The following RNF130 variants were observed in gnomAD, a reference collection of about 807,000 sequenced individuals.
The protein encoded by RNF130 is ring finger protein 130, also known as E3 ubiquitin-protein ligase RNF130.
A neutral mutation model predicts 44.6 loss-of-function variants in RNF130; 21 were observed. That is an observed-to-expected ratio of 0.47 (90% CI 0.33 to 0.68). The LOEUF (loss-of-function observed/expected upper bound fraction) is 0.68. Among genes scored for constraint, RNF130 ranks in the 30% least tolerant of loss-of-function variants. The probability of loss-of-function intolerance (pLI) is 0.02; values close to 1 mark genes in which losing one functional copy is unlikely to be tolerated. For synonymous variants in RNF130, 214 were observed against 210.4 expected (o/e 1.02, Z -0.15); for missense variants, 479 against 560.6 (o/e 0.85, Z 1.47).
rs190704463 is a variant in RNF130, at chr5:180,027,395, G to A, written c.442+13058C>T. Among the ~76,000 whole-genome samples the A allele has an allele frequency of 3.3e-5, 5 of 152,256 alleles. No individual in the cohort carries two copies. In the East Asian group the frequency reaches 9.7e-4, roughly 29 times the overall value. On this transcript the variant is annotated intron_variant, in intron 2 of 8. Transcript: ENST00000521389. ...GTATAATGACCTTCTCTGAGTATAA[G>A]CAGAAACAGAAAGGCAGAGAGTTAT... is the stretch of plus-strand genomic sequence containing the variant.
chr5:179,961,771 T>C (rs770495275), intron 8 of RNF130, among the ~76,000 whole-genome samples: 33 of 152,308 alleles, frequency 2.2e-4, no homozygotes, highest in Non-Finnish European at 2.9e-4. Context: ...GAATCACAGC[T>C]ACTCACAGAG....
At chr5:179,978,342 G>A in intron 4 of RNF130, 57 bp from the exon 5 acceptor site, 3 of 1,144,496 alleles carry the variant, frequency 2.6e-6, no homozygotes, top group South Asian at 1.2e-5. Flanking sequence ...TAAATGGTTG[G>A]GATGCAATTC....
chr5:180,027,882 C>T (rs146052492), intron 2 of RNF130, among the ~76,000 whole-genome samples: 111 of 152,328 alleles, frequency 7.3e-4, no homozygotes, highest in African/African-American at 2.5e-3. Context: ...TGGCTGCTGC[C>T]GGTGTGAGAC....
rs150985218 is a variant in RNF130 at position 179,960,916 on chromosome 5, T to C, written c.1244+2555A>G. Among the ~76,000 whole-genome samples, 1,234 of 152,188 alleles carry C rather than the reference T, an allele frequency of 8.1e-3. 17 individuals are homozygous for C. The highest frequency in any genetic ancestry group is 0.028 in the African/African-American group (1,177 of 41,530). On this transcript the variant is annotated intron_variant, in intron 8 of 8. Coordinates refer to ENST00000521389, the MANE Select transcript of RNF130 (RefSeq NM_018434.6). ...AAGGCAAAAACAGAAATAAAATAGA[T>C]GTTGAAAAATTCATTAATAACGAAT...
intron 2 of RNF130, among the ~76,000 whole-genome samples, chr5:180,035,898 A>T (rs1180976909): frequency 1.3e-5 from 2 of 151,816 alleles, no homozygotes; most frequent in Non-Finnish European, 2.9e-5. Context: ...CTATTTGTTG[A>T]CTCATTGCTG....
At chr5:179,957,052 A>C (rs1043727030) in intron 8 of RNF130, among the ~76,000 whole-genome samples, 5 of 152,204 alleles carry the variant, frequency 3.3e-5, no homozygotes, top group Admixed American at 3.3e-4. Context: ...GAAAAACTGG[A>C]TATTAGATAT....
At chr5:179,986,993 C>A (rs535194549) in intron 3 of RNF130, among the ~76,000 whole-genome samples, 1 of 152,280 alleles carries the variant, frequency 6.6e-6, no homozygotes, top group South Asian at 2.1e-4. Flanking sequence ...AACTTTTGTA[C>A]ACAAACTTTG....
At chr5:180,052,666 C>T (rs369454875) in intron 1 of RNF130, among the ~76,000 whole-genome samples, 8 of 152,172 alleles carry the variant, frequency 5.3e-5, no homozygotes, top group Admixed American at 1.3e-4. Context: ...CCATGCAGCT[C>T]ACACTAACAG....
chr5:179,960,601 T>C (rs1762305051), intron 8 of RNF130, among the ~76,000 whole-genome samples: 1 of 152,210 alleles, frequency 6.6e-6, no homozygotes, highest in Non-Finnish European at 1.5e-5. Flanking sequence ...CCTGACATCT[T>C]GCCCACAGGG....
chr5:179,937,122 C>T (rs912838616), intron 7 of RNF130, among the ~76,000 whole-genome samples: 9 of 152,054 alleles, frequency 5.9e-5, no homozygotes, highest in African/African-American at 1.7e-4. Context: ...ATCATCAAAA[C>T]GAAATATCAT....
intron 2 of RNF130, among the ~76,000 whole-genome samples, chr5:180,023,065 G>C (rs1763908110): frequency 6.6e-6 from 1 of 152,218 alleles, no homozygotes; most frequent in Non-Finnish European, 1.5e-5. Context: ...TAAGTAAATA[G>C]ATGTAGGATG....
At chr5:180,009,547 C>T (rs552755323) in intron 3 of RNF130, among the ~76,000 whole-genome samples, 2 of 152,276 alleles carry the variant, frequency 1.3e-5, no homozygotes, top group African/African-American at 4.8e-5. Flanking sequence ...CTACACAACT[C>T]AACAATCACA....
intron 3 of RNF130, among the ~76,000 whole-genome samples, chr5:179,989,623 A>G (rs2113027154): frequency 6.6e-6 from 1 of 152,036 alleles, no homozygotes; most frequent in Non-Finnish European, 1.5e-5. Context: ...CTTCACTTTC[A>G]GTCGATCTGT....
At chr5:179,948,428 G>C (rs1223630366) in intron 7 of RNF130, among the ~76,000 whole-genome samples, 1 of 152,118 alleles carries the variant, frequency 6.6e-6, no homozygotes, top group Non-Finnish European at 1.5e-5. Context: ...CCAGCACTTT[G>C]GGAGGCTGAG....
intron 3 of RNF130, among the ~76,000 whole-genome samples, chr5:180,009,785 C>A (rs1763543375): frequency 6.6e-6 from 1 of 152,144 alleles, no homozygotes; most frequent in African/African-American, 2.4e-5. Flanking sequence ...ATGTTTACAC[C>A]AAAACCTGTA....
rs554769745 is a variant in RNF130 at position 179,938,661 on chromosome 5, AT to A, written c.1151-18236del. Among the ~76,000 whole-genome samples, 31 of 152,284 alleles carry A rather than the reference AT, an allele frequency of 2.0e-4. No homozygotes were observed. In the South Asian group the frequency reaches 6.2e-3, roughly 31 times the overall value. On this transcript the variant is annotated intron_variant, in intron 7 of 7. Transcript: ENST00000522208. ...AAGCTTAACATTATATATTTAAATA[AT>A]TGTCAAAATTAAGTTGCCAGCATTC...
In RNF130 at chr5:179,999,662, A is replaced by G. The variant is rs185334682; in HGVS notation, c.693+13399T>C. Reference sequence around the variant, plus strand: ...AACCCGGGAGGCGAAGGTTGCAGTGAGCCAAGATTGCACCACTGCACTCCA... The same window carrying G: ...AACCCGGGAGGCGAAGGTTGCAGTGGGCCAAGATTGCACCACTGCACTCCA... On this transcript the variant is annotated intron_variant, in intron 3 of 8. Transcript: ENST00000521389. 2.0e-5 allele frequency among the ~76,000 whole-genome samples: 3 copies of G among 152,314 alleles called. No individual in the cohort carries two copies. In the East Asian group the frequency reaches 5.8e-4, roughly 29 times the overall value.
chr5:179,960,580 C>T (rs1762304282), intron 8 of RNF130, among the ~76,000 whole-genome samples: 1 of 152,192 alleles, frequency 6.6e-6, no homozygotes, highest in Admixed American at 6.5e-5. Context: ...CACCTGGGTC[C>T]CACACACTGC....
intron 6 of RNF130, among the ~76,000 whole-genome samples, chr5:179,968,555 A>ACT (rs1379258371): frequency 2.6e-5 from 4 of 151,480 alleles, no homozygotes; most frequent in Non-Finnish European, 5.9e-5. Flanking sequence ...AATCCCAGCT[A>ACT]CAAGGGAGGC....
Sources: allele counts gnomAD v4.1 joint callset (sites outside exome capture counted in the v4.1 genomes callset), GRCh38; gene constraint gnomAD v4.1.1; transcripts MANE v1.5; gene names NCBI Gene and HGNC (gene_info 2026-07-23, HGNC 2026-07-21).